The following SEC23A variants were observed in gnomAD, a reference collection of about 807,000 sequenced individuals.
The protein encoded by SEC23A is SEC23 homolog A, COPII component.
In SEC23A, 56 loss-of-function variants were observed where a neutral mutation model predicts 103.7. The observed-to-expected ratio is 0.54, with a 90% CI of 0.44 to 0.67. The LOEUF (loss-of-function observed/expected upper bound fraction) is 0.67, where lower values mean the gene tolerates loss of function less well. Among genes scored for constraint, SEC23A ranks in the 30% least tolerant of loss-of-function variants. The pLI is 0.00. For synonymous variants in SEC23A, 281 were observed against 293.0 expected (o/e 0.96, Z 0.42); for missense variants, 784 against 936.4 (o/e 0.84, Z 2.12).
At position 39,055,221 on chromosome 14, in the gene SEC23A, G is replaced by A. The variant is rs952163806; in HGVS notation, c.1581C>T (p.Ala527=). ...FDQEAAAILM[A]RLAIYRAETE... ...TTTCTGCTCTATATATTGCTAGCCG[G>A]GCCATAAGAATGGCAGCTGCCTCCT... Residue 527 remains alanine, a synonymous_variant, in exon 14 of 20, where the codon GCC becomes GCT. Transcript: ENST00000307712. 1.2e-6 allele frequency: 2 copies of A among 1,613,976 alleles called. No homozygotes were observed. Among genetic ancestry groups the A allele is most frequent in the South Asian group, 1.1e-5 (1 of 91,062 alleles).
chr14:39,094,435 TA>T lies in SEC23A; in HGVS notation c.222-1192del, dbSNP rs1887812279. On this transcript the variant is annotated intron_variant, in intron 2 of 19. Transcript: ENST00000307712. The stretch of plus-strand genomic sequence containing the variant: ...ATATATATATATATATATATATATA[TA>T]TATATATTTTTTTTTTTTTTTTTTC... Among the ~76,000 whole-genome samples the T allele has an allele frequency of 2.2e-4, 8 of 36,030 alleles. 1 individual carries two copies. Among genetic ancestry groups the T allele is most frequent in the African/African-American group, 6.8e-4 (2 of 2,944 alleles). 23.6% of individuals were successfully genotyped at this position (36,030 alleles called of 152,430 possible).
At chr14:39,086,892 A>G in intron 6 of SEC23A, 37 bp downstream of exon 6, 1 of 1,248,406 alleles carries the variant, frequency 8.0e-7, no homozygotes, top group Non-Finnish European at 1.2e-6. Flanking sequence ...TAAAATAGCT[A>G]CAGAAACGGT....
intron 2 of SEC23A, among the ~76,000 whole-genome samples, chr14:39,093,532 G>A (rs549838306): frequency 5.3e-5 from 8 of 152,264 alleles, no homozygotes; most frequent in Admixed American, 2.0e-4. Context: ...GGCCTGAGGC[G>A]GCAGATGGCT....
At chr14:39,102,641 G>A (rs1374065477) in intron 1 of SEC23A, among the ~76,000 whole-genome samples, 1 of 152,012 alleles carries the variant, frequency 6.6e-6, no homozygotes, top group Non-Finnish European at 1.5e-5. Context: ...TTACGGTGAC[G>A]TAGTCAATTG....
intron 14 of SEC23A, among the ~76,000 whole-genome samples, chr14:39,049,853 C>T (rs893310328): frequency 2.0e-5 from 3 of 150,842 alleles, no homozygotes; most frequent in African/African-American, 7.3e-5. Context: ...AGTGCAGTGG[C>T]GCGATCTCGG....
chr14:39,057,729 C>T (rs1886297766), intron 13 of SEC23A, among the ~76,000 whole-genome samples: 1 of 152,156 alleles, frequency 6.6e-6, no homozygotes, highest in South Asian at 2.1e-4. Flanking sequence ...CATAGATATG[C>T]AAGTCCCTAT....
At chr14:39,046,785 G>A (rs572830705) in intron 15 of SEC23A, among the ~76,000 whole-genome samples, 1 of 152,182 alleles carries the variant, frequency 6.6e-6, no homozygotes, top group Non-Finnish European at 1.5e-5. Context: ...ATAATGGACA[G>A]TTACACTGGG....
At chr14:39,065,609 G>A (rs980726148) in intron 10 of SEC23A, among the ~76,000 whole-genome samples, 16 of 152,118 alleles carry the variant, frequency 1.1e-4, no homozygotes, top group Admixed American at 1.0e-3. Flanking sequence ...ACTCTCACTG[G>A]GCAGTTTTCT....
At chr14:39,044,136 A>T (rs1465792491) in intron 16 of SEC23A, among the ~76,000 whole-genome samples, 3 of 152,180 alleles carry the variant, frequency 2.0e-5, no homozygotes, top group African/African-American at 7.2e-5. Flanking sequence ...ATAACTCCAA[A>T]AGCAAAACCC....
rs577005255 is a variant in SEC23A at position 39,052,190 on chromosome 14, G to C, written c.1659+2953C>G. Among the ~76,000 whole-genome samples, 6 of 152,170 alleles carry C rather than the reference G, an allele frequency of 3.9e-5. No homozygotes were observed. The South Asian group carries it at 8.3e-4, about 21-fold the overall frequency. On this transcript the variant is annotated intron_variant, in intron 14 of 19. Transcript: ENST00000307712. ...GGGAGGGAGAGCATTGGGAAGAATA[G>C]CTAATAGATGCTGGCCTATAATACC...
At chr14:39,071,959 C>G (rs569327158) in intron 9 of SEC23A, among the ~76,000 whole-genome samples, 5 of 151,952 alleles carry the variant, frequency 3.3e-5, no homozygotes, top group Non-Finnish European at 5.9e-5. Context: ...GGAGGCCGGG[C>G]GGGGTGGCTC....
chr14:39,074,638 A>G (rs1886953708), intron 8 of SEC23A, 108 bp from the exon 9 acceptor site: 1 of 675,312 alleles, frequency 1.5e-6, no homozygotes, highest in Non-Finnish European at 2.6e-6. Flanking sequence ...CTCATAATTT[A>G]AATTATGATT....
At chr14:39,057,304 T>TC (rs1886281924) in intron 13 of SEC23A, among the ~76,000 whole-genome samples, 3 of 29,284 alleles carry the variant, frequency 1.0e-4, no homozygotes, top group East Asian at 2.3e-3. Context: ...AGACTTTGTC[T>TC]CAAAAAAAAA....
chr14:39,067,758 C>A (rs940290395), intron 9 of SEC23A, among the ~76,000 whole-genome samples: 1 of 150,730 alleles, frequency 6.6e-6, no homozygotes, highest in Admixed American at 6.6e-5. Flanking sequence ...GCAGCCACAA[C>A]CTCCTGGGCT....
chr14:39,065,353 T>TC (rs948164878), intron 10 of SEC23A, among the ~76,000 whole-genome samples: 21 of 151,446 alleles, frequency 1.4e-4, no homozygotes, highest in Admixed American at 6.6e-5. Flanking sequence ...AAGATTGGTC[T>TC]CCCCCCAGTC....
At chr14:39,035,790 T>C (rs1343655272) in intron 19 of SEC23A, among the ~76,000 whole-genome samples, 4 of 152,160 alleles carry the variant, frequency 2.6e-5, no homozygotes, top group Non-Finnish European at 5.9e-5. Context: ...AGTTATTGCC[T>C]CAAGTAATTA....
Position 39,063,430 on chromosome 14 carries a change from T to C in SEC23A, c.1309-17A>G, listed in dbSNP as rs757682453. On this transcript the variant is annotated splice_polypyrimidine_tract_variant and intron_variant, in intron 11 of 19. Transcript: ENST00000307712. ...TCCTATCTCCTGTAAAAATAAAATA[T>C]AGCATGTTTGAAAGCTAGAGACACA... The C allele has an allele frequency of 1.5e-5, 22 of 1,492,648 alleles. No homozygotes were observed. Among genetic ancestry groups the C allele is most frequent in the Non-Finnish European group, 1.7e-5 (18 of 1,070,502 alleles). 92.5% of individuals were successfully genotyped at this position (1,492,648 alleles called of 1,614,324 possible).
At chr14:39,061,550 GTGT>G (rs1886479500) in intron 13 of SEC23A, among the ~76,000 whole-genome samples, 1 of 152,060 alleles carries the variant, frequency 6.6e-6, no homozygotes, top group African/African-American at 2.4e-5. Context: ...ATTTTGAAGG[GTGT>G]GTCTTAGAAG....
At position 39,076,068 on chromosome 14, in the gene SEC23A, C is replaced by CGA; in HGVS notation, c.852_853dup (p.Arg285LeufsTer4). The CGA allele has an allele frequency of 6.2e-7, 1 of 1,612,876 alleles. No individual in the cohort carries two copies. Among genetic ancestry groups the CGA allele is most frequent in the Non-Finnish European group, 8.5e-7 (1 of 1,179,520 alleles). On this transcript the variant is annotated frameshift_variant, in exon 8 of 20. Coordinates refer to ENST00000307712, the MANE Select transcript of SEC23A (RefSeq NM_006364.4). LOFTEE classifies it high-confidence loss of function. ...AGGACCACCAATGAACATCATGATA[C>CGA]GAGCACCAGTGTTGGGAAAAGTACA... is the stretch of plus-strand genomic sequence containing the variant.
Sources: allele counts gnomAD v4.1 joint callset (sites outside exome capture counted in the v4.1 genomes callset), GRCh38; gene constraint gnomAD v4.1.1; transcripts MANE v1.5; gene names NCBI Gene and HGNC (gene_info 2026-07-23, HGNC 2026-07-21).